The following SPAG16 variants were observed in gnomAD, a reference collection of about 807,000 sequenced individuals.
SPAG16 encodes sperm-associated antigen 16 protein.
In SPAG16, 86 loss-of-function variants were observed where a neutral mutation model predicts 80.4. The ratio of observed to expected loss-of-function variants is 1.07; its 90% CI spans 0.90 to 1.28. The LOEUF (loss-of-function observed/expected upper bound fraction) is 1.28, where lower values mean the gene tolerates loss of function less well. Ranked by LOEUF, SPAG16 falls within the 50% of genes most tolerant of loss-of-function variation. The pLI, the probability that SPAG16 is intolerant of heterozygous loss-of-function variation, is 0.00. For synonymous variants in SPAG16, 294 were observed against 265.9 expected (o/e 1.11, Z -1.03); for missense variants, 870 against 765.3 (o/e 1.14, Z -1.61).
chr2:213,396,684 A>T, intron 9 of SPAG16: 1 of 456,036 alleles, frequency 2.2e-6, no homozygotes, highest in Non-Finnish European at 4.4e-6. Context: ...ACACCAGCAC[A>T]TCGACTAAGA....
At chr2:213,988,763 G>T (rs923678065) in intron 12 of SPAG16, among the ~76,000 whole-genome samples, 3 of 151,782 alleles carry the variant, frequency 2.0e-5, no homozygotes, top group African/African-American at 7.3e-5. Context: ...TCTGTATGTT[G>T]AAAACTACAA....
intron 10 of SPAG16, among the ~76,000 whole-genome samples, chr2:213,860,904 C>G (rs560636460): frequency 6.6e-6 from 1 of 152,240 alleles, no homozygotes; most frequent in South Asian, 2.1e-4. Context: ...ATTCAGTTTG[C>G]CTTCTTGTGT....
chr2:213,718,160 A>AAG (rs2066325321), intron 10 of SPAG16, among the ~76,000 whole-genome samples: 1 of 150,948 alleles, frequency 6.6e-6, no homozygotes, highest in Admixed American at 6.6e-5. Flanking sequence ...AAAAAAAAAA[A>AAG]AAAAAAAAAG....
In SPAG16 at chr2:214,213,966, C is replaced by T. The variant is rs79335224; in HGVS notation, c.1720+64700C>T. 4.1e-3 allele frequency among the ~76,000 whole-genome samples: 616 copies of T among 152,024 alleles called. 5 individuals carry two copies. Among genetic ancestry groups the T allele is most frequent in the African/African-American group, 0.014 (577 of 41,474 alleles). On this transcript the variant is annotated intron_variant, in intron 15 of 15. Transcript: ENST00000331683. ...TAAGGGATCTTATTTTCTTCATGGC[C>T]CCTTCATTTAAGGTGAAACTCTATT...
At chr2:213,488,799 C>T (rs1575726205) in intron 9 of SPAG16, among the ~76,000 whole-genome samples, 1 of 151,852 alleles carries the variant, frequency 6.6e-6, no homozygotes, top group East Asian at 1.9e-4. Context: ...TATTTCACGC[C>T]AGAGGCGGTG....
At chr2:214,384,641 A>G (rs1012365442) in intron 15 of SPAG16, among the ~76,000 whole-genome samples, 2 of 152,192 alleles carry the variant, frequency 1.3e-5, no homozygotes, top group African/African-American at 2.4e-5. Flanking sequence ...TCACCAAGCA[A>G]TGGGTATGTA....
chr2:213,945,813 A>C lies in SPAG16; in HGVS notation c.1400+15668A>C, dbSNP rs188881375. Reference sequence around the variant, plus strand: ...CTTAATCTTGGATTTCCCAGCCTCCAGAACTGTGAGAAATAAATGTTTATT... The same window carrying C: ...CTTAATCTTGGATTTCCCAGCCTCCCGAACTGTGAGAAATAAATGTTTATT... On this transcript the variant is annotated intron_variant, in intron 12 of 15. Coordinates refer to ENST00000331683, the MANE Select transcript of SPAG16 (RefSeq NM_024532.5). 1.2e-4 allele frequency among the ~76,000 whole-genome samples: 18 copies of C among 152,192 alleles called. 1 individual carries two copies. Among genetic ancestry groups the C allele is most frequent in the Non-Finnish European group, 2.5e-4 (17 of 68,022 alleles).
intron 10 of SPAG16, among the ~76,000 whole-genome samples, chr2:213,698,931 AAGTACAACGCAT>A (rs1258733492): frequency 1.3e-5 from 2 of 152,230 alleles, no homozygotes; most frequent in African/African-American, 4.8e-5. Context: ...AATGCACATC[AAGTACAACGCAT>A]AGTACCTGGC....
intron 13 of SPAG16, among the ~76,000 whole-genome samples, chr2:214,023,956 T>C (rs142672451): frequency 2.6e-5 from 4 of 151,854 alleles, no homozygotes; most frequent in East Asian, 1.9e-4. Flanking sequence ...ATTAGCTTTA[T>C]GAGATTATTT....
intron 13 of SPAG16, among the ~76,000 whole-genome samples, chr2:214,067,793 T>C (rs1452620547): frequency 6.6e-6 from 1 of 152,198 alleles, no homozygotes; most frequent in Non-Finnish European, 1.5e-5. Flanking sequence ...AATGTCATTG[T>C]GGTTTCTTTA....
chr2:214,259,685 C>T (rs1490417593), intron 15 of SPAG16, among the ~76,000 whole-genome samples: 1 of 151,796 alleles, frequency 6.6e-6, no homozygotes, highest in African/African-American at 2.4e-5. Flanking sequence ...TCTCCGGTTC[C>T]TTTGTGTAGC....
At chr2:213,863,757 A>ACC (rs1212428400) in intron 11 of SPAG16, among the ~76,000 whole-genome samples, 1 of 152,146 alleles carries the variant, frequency 6.6e-6, no homozygotes, top group Non-Finnish European at 1.5e-5. Flanking sequence ...ATGCCCTGTT[A>ACC]CCATGACAGC....
At chr2:213,996,288 T>C (rs2124832089) in intron 12 of SPAG16, among the ~76,000 whole-genome samples, 1 of 152,320 alleles carries the variant, frequency 6.6e-6, no homozygotes, top group East Asian at 1.9e-4. Context: ...AGCAGATACC[T>C]AATGGCTAAG....
At chr2:214,044,502 A>T (rs2049205042) in intron 13 of SPAG16, among the ~76,000 whole-genome samples, 1 of 152,224 alleles carries the variant, frequency 6.6e-6, no homozygotes, top group South Asian at 2.1e-4. Flanking sequence ...ATAAAGCTTC[A>T]TCCATCATCC....
chr2:214,223,547 T>A (rs200094171), intron 15 of SPAG16, among the ~76,000 whole-genome samples: 2 of 152,140 alleles, frequency 1.3e-5, no homozygotes, highest in Non-Finnish European at 2.9e-5. Context: ...ATTTGATTAA[T>A]TTAAGAGGTT....
chr2:214,299,194 AG>A (rs1441052264), intron 15 of SPAG16, among the ~76,000 whole-genome samples: 3 of 152,032 alleles, frequency 2.0e-5, no homozygotes, highest in African/African-American at 7.2e-5. Context: ...AAATAGTAAA[AG>A]TCCAAATATA....
intron 15 of SPAG16, among the ~76,000 whole-genome samples, chr2:214,208,539 A>C (rs1251527988): frequency 1.3e-5 from 2 of 152,200 alleles, no homozygotes; most frequent in African/African-American, 4.8e-5. Flanking sequence ...CCCAGAAAAC[A>C]TATCAGTCAT....
In SPAG16 at chr2:214,239,770, G is replaced by A. The variant is rs77686959; in HGVS notation, c.1720+90504G>A. 2.7e-3 allele frequency: 410 copies of A among 152,232 alleles called. 3 individuals are homozygous for A. The highest frequency in any genetic ancestry group is 9.4e-3 in the African/African-American group (392 of 41,536). 9.4% of individuals were successfully genotyped at this position (152,232 alleles called of 1,614,324 possible). ...GATGACAGCCCCCACCCAGAATCCT[G>A]GAGAGGAAAGTTGCTATTGTTGAAA... On this transcript the variant is annotated intron_variant, in intron 15 of 15. Transcript: ENST00000331683.
chr2:214,051,098 T>C (rs1484746601), intron 13 of SPAG16, among the ~76,000 whole-genome samples: 1 of 152,176 alleles, frequency 6.6e-6, no homozygotes, highest in African/African-American at 2.4e-5. Flanking sequence ...TTTGTTATGT[T>C]TTAATTAAGC....
Sources: allele counts gnomAD v4.1 joint callset (sites outside exome capture counted in the v4.1 genomes callset), GRCh38; gene constraint gnomAD v4.1.1; transcripts MANE v1.5; gene names NCBI Gene and HGNC (gene_info 2026-07-23, HGNC 2026-07-21).